CEP135: variants seen among roughly 807,000 people sequenced by gnomAD.
The protein encoded by CEP135 is centrosomal protein 135, also known as centrosomal protein of 135 kDa.
CEP135 carries 142 observed loss-of-function variants against 157.3 expected under a neutral mutation model. That is an observed-to-expected ratio of 0.90 (90% CI 0.79 to 1.04). CEP135 has a LOEUF of 1.04. Among genes scored for constraint, CEP135 ranks in the 50% least tolerant of loss-of-function variants. CEP135 has a pLI of 0.00. For synonymous variants in CEP135, 396 were observed against 439.8 expected, an observed-to-expected ratio of 0.90 and a Z score of 1.25; for missense variants, 1,317 against 1,309.2, an observed-to-expected ratio of 1.01 and a Z score of -0.09.
intron 14 of CEP135, among the ~76,000 whole-genome samples, chr4:55,988,476 A>G (rs1729674167): frequency 6.6e-6 from 1 of 152,068 alleles, no homozygotes; most frequent in Non-Finnish European, 1.5e-5. Flanking sequence ...CCTGGCCAAC[A>G]TGGTCAAACT....
chr4:55,985,926 C>G (rs1183724421), intron 14 of CEP135, among the ~76,000 whole-genome samples: 3 of 151,924 alleles, frequency 2.0e-5, no homozygotes, highest in African/African-American at 7.3e-5. Flanking sequence ...GGCAACAGAG[C>G]AAGACTACAA....
chr4:55,991,870 G>A, intron 14 of CEP135, 64 bp from the exon 15 acceptor site: 1 of 800,946 alleles, frequency 1.2e-6, no homozygotes, highest in Non-Finnish European at 1.8e-6. Flanking sequence ...ATTAAAGAGT[G>A]CCTAAGAAAA....
chr4:56,018,133 A>G (rs1730845376), intron 22 of CEP135, among the ~76,000 whole-genome samples: 1 of 151,958 alleles, frequency 6.6e-6, no homozygotes, highest in African/African-American at 2.4e-5. Flanking sequence ...GCATCTGCTA[A>G]CACACCTGGC....
Position 56,032,867 on chromosome 4 carries a change from T to TGTGTGTGTATAC in CEP135, c.*1523_*1524insGTGTATACGTGT, listed in dbSNP as rs1277110172. The TGTGTGTGTATAC allele has an allele frequency of 1.3e-5, 2 of 152,018 alleles. No homozygotes were observed. Among genetic ancestry groups the TGTGTGTGTATAC allele is most frequent in the African/African-American group, 4.8e-5 (2 of 41,380 alleles). 9.4% of individuals were successfully genotyped at this position (152,018 alleles called of 1,614,324 possible). On this transcript the variant is annotated 3_prime_UTR_variant, in exon 26 of 26. Transcript: ENST00000257287. Reference sequence around the variant, plus strand: ...AGTGAAGTGTGTGTGTGTGTGTGTGTGTGTATACCTGGGGGTGGGCAGTGC... The same window carrying TGTGTGTGTATAC: ...AGTGAAGTGTGTGTGTGTGTGTGTGTGTGTGTGTATACGTGTATACCTGGGGGTGGGCAGTGC...
At position 55,974,893 on chromosome 4, in the gene CEP135, A is replaced by G. The variant is rs1424340265; in HGVS notation, c.1397A>G (p.His466Arg). ...YYKKELERLQ[H>R]IIQRRSCSTS... ...AAGAAAGAGCTAGAGAGACTCCAAC[A>G]TATAATACAGCGAAGATCTTGCTCT... is the stretch of plus-strand genomic sequence containing the variant. The change falls in exon 11 of 26, where the codon CAT becomes CGT. Residue 466 changes from histidine (H) to arginine (R), a missense_variant. Physicochemically the swap from His to Arg is conservative, Grantham distance 29. Transcript: ENST00000257287. The G allele has an allele frequency of 1.9e-6, 3 of 1,613,636 alleles. No homozygotes were observed. The highest frequency in any genetic ancestry group is 2.7e-5 in the African/African-American group (2 of 74,932).
intron 6 of CEP135, 157 bp downstream of exon 6, chr4:55,959,923 T>C (rs1728628503): frequency 1.3e-5 from 9 of 679,024 alleles, no homozygotes. Context: ...TGGAATGGCT[T>C]AGGTGGCTTT....
At position 55,981,373 on chromosome 4, in the gene CEP135, A is replaced by G. The variant is rs1472057200; in HGVS notation, c.1773A>G (p.Lys591=). Residue 591 remains lysine (K), a synonymous_variant, in exon 13 of 26, where the codon AAA becomes AAG. Coordinates refer to ENST00000257287, the MANE Select transcript of CEP135 (RefSeq NM_025009.5). ...CAGAAAAGGAAGCTTTAAGAGAAAA[A>G]TTAGAGGTAAGAAGATTGACATGTT... ...IMAEKEALRE[K]LEHIEEVSLF... is the part of the protein sequence containing the mutation. 1 of 1,574,620 alleles carries G rather than the reference A, an allele frequency of 6.4e-7. No homozygotes were observed. Among genetic ancestry groups the G allele is most frequent in the Non-Finnish European group, 8.6e-7 (1 of 1,168,682 alleles).
intron 11 of CEP135, among the ~76,000 whole-genome samples, chr4:55,976,236 A>C (rs1267854498): frequency 8.5e-6 from 1 of 117,648 alleles, no homozygotes; most frequent in East Asian, 2.0e-4. Flanking sequence ...CCTGGGTGAC[A>C]AAAAAAAAAA....
intron 19 of CEP135, 46 bp from the exon 20 acceptor site, chr4:56,011,366 T>C (rs1420597530): frequency 8.2e-7 from 1 of 1,213,082 alleles, no homozygotes; most frequent in Non-Finnish European, 1.2e-6. Context: ...AAAATTTATT[T>C]GGTGTTGTGT....
At chr4:56,004,377 T>C (rs1340109984) in intron 17 of CEP135, among the ~76,000 whole-genome samples, 1 of 152,246 alleles carries the variant, frequency 6.6e-6, no homozygotes, top group Non-Finnish European at 1.5e-5. Context: ...AGGAATTTAT[T>C]CTGCAGCAGT....
intron 18 of CEP135, 72 bp from the exon 19 acceptor site, chr4:56,009,661 CTA>C: frequency 7.7e-7 from 1 of 1,304,240 alleles, no homozygotes; most frequent in Non-Finnish European, 1.1e-6. Flanking sequence ...TATACTTAGA[CTA>C]TAAGTTTTCT....
At chr4:56,016,781 T>C (rs1239532618) in intron 21 of CEP135, among the ~76,000 whole-genome samples, 1 of 151,960 alleles carries the variant, frequency 6.6e-6, no homozygotes, top group African/African-American at 2.4e-5. Flanking sequence ...GCTCAGGTGA[T>C]CTCCCGCCTC....
At chr4:56,020,856 C>T (rs1730951955) in intron 24 of CEP135, 76 bp downstream of exon 24, 2 of 1,059,666 alleles carry the variant, frequency 1.9e-6, no homozygotes, top group South Asian at 1.5e-5. Context: ...TTTAATATGG[C>T]TTTACAAATA....
intron 6 of CEP135, among the ~76,000 whole-genome samples, chr4:55,962,760 T>A (rs1465772305): frequency 4.0e-5 from 6 of 151,304 alleles, no homozygotes; most frequent in Non-Finnish European, 8.8e-5. Flanking sequence ...TTTTCAACTG[T>A]CCACTCCCTG....
At chr4:56,011,638 CT>C in intron 20 of CEP135, 116 bp downstream of exon 20, 2 of 963,206 alleles carry the variant, frequency 2.1e-6, no homozygotes, top group Non-Finnish European at 3.1e-6. Context: ...TGTCTACTGC[CT>C]TTTTCTATTT....
chr4:55,949,616 G>A (rs1384140544), intron 1 of CEP135, among the ~76,000 whole-genome samples: 1 of 152,158 alleles, frequency 6.6e-6, no homozygotes, highest in Non-Finnish European at 1.5e-5. Flanking sequence ...TAAGCCCTGT[G>A]CACACATACA....
In CEP135 at chr4:56,011,913, A is replaced by C; in HGVS notation, c.2730A>C (p.Glu910Asp). The change falls in exon 21 of 26, where the codon GAA (glutamate) becomes GAC (aspartate). Residue 910 changes from glutamate (E) to aspartate (D), a missense_variant. Glu to Asp is a conservative substitution (Grantham distance 45). Coordinates refer to ENST00000257287, the MANE Select transcript of CEP135 (RefSeq NM_025009.5). ...AEGESSSVRL[E>D]LLSIDTERRH... ...GAGAAAGCAGCTCAGTTCGACTGGA[A>C]CTTCTTTCTATTGACACTGAGAGGA... 6.2e-7 allele frequency: 1 copy of C among 1,604,556 alleles called. No homozygotes were observed. Among genetic ancestry groups the C allele is most frequent in the Non-Finnish European group, 8.5e-7 (1 of 1,175,400 alleles).
intron 18 of CEP135, among the ~76,000 whole-genome samples, chr4:56,009,432 G>A (rs929990357): frequency 5.3e-5 from 8 of 152,176 alleles, no homozygotes; most frequent in African/African-American, 1.9e-4. Context: ...AAAGTTCTGG[G>A]ATTACAGGCG....
intron 13 of CEP135, among the ~76,000 whole-genome samples, chr4:55,985,060 C>T (rs1361532188): frequency 6.6e-6 from 1 of 152,168 alleles, no homozygotes; most frequent in Non-Finnish European, 1.5e-5. Flanking sequence ...TACAATCACA[C>T]ATGGAGGTAG....
Sources: gnomAD v4.1 joint callset for allele counts (sites outside exome capture counted in the v4.1 genomes callset) on GRCh38, gnomAD v4.1.1 for gene constraint, MANE v1.5 for transcripts, NCBI Gene and HGNC (gene_info 2026-07-23, HGNC 2026-07-21) for gene names.